The following PAK6 variants were observed in gnomAD, a reference collection of about 807,000 sequenced individuals.
PAK6 encodes p21 (RAC1) activated kinase 6, also known as serine/threonine-protein kinase PAK 6.
In PAK6, 33 loss-of-function variants were observed where a neutral mutation model predicts 60.8. The ratio of observed to expected loss-of-function variants is 0.54; its 90% CI spans 0.41 to 0.73. The LOEUF (loss-of-function observed/expected upper bound fraction) is 0.73. Among genes scored for constraint, PAK6 ranks in the 30% least tolerant of loss-of-function variants. PAK6 has a pLI of 0.00. For synonymous variants in PAK6, 404 were observed against 378.5 expected, an observed-to-expected ratio of 1.07 and a Z score of -0.78; for missense variants, 845 against 904.1, an observed-to-expected ratio of 0.93 and a Z score of 0.84.
At chr15:40,245,964 G>A (rs2038484730) in intron 2 of PAK6, 1 of 152,204 alleles carries the variant, frequency 6.6e-6, no homozygotes, top group African/African-American at 2.4e-5. Context: ...TGCTATTTGG[G>A]TGCCTCCTGC....
At position 40,275,280 on chromosome 15, in the gene PAK6, G is replaced by GTTTTTTTTTTTTT. The variant is rs869058525; in HGVS notation, c.1879-637_1879-625dup. Among the ~76,000 whole-genome samples, 59 of 56,504 alleles carry GTTTTTTTTTTTTT rather than the reference G, an allele frequency of 1.0e-3. 8 individuals carry two copies. Among genetic ancestry groups the GTTTTTTTTTTTTT allele is most frequent in the African/African-American group, 2.0e-3 (27 of 13,832 alleles). 37.1% of individuals were successfully genotyped at this position (56,504 alleles called of 152,430 possible). Reference sequence around the variant, plus strand: ...GACTTGTTTGTTTCTGTTGTTGTTGGTTTTTTTTTTTTTTTTTTTTTTGGA... The same window carrying GTTTTTTTTTTTTT: ...GACTTGTTTGTTTCTGTTGTTGTTGGTTTTTTTTTTTTTTTTTTTTTTTTTTTTTTTTTTTGGA... On this transcript the variant is annotated intron_variant, in intron 10 of 10. Transcript: ENST00000560346.
At chr15:40,264,866 C>T in exon 4 of PAK6, 2 of 1,614,028 alleles carry the variant, frequency 1.2e-6, no homozygotes, top group African/African-American at 1.3e-5. Flanking sequence ...CCTCCTTCGA[C>T]CCCAAAGAAG....
chr15:40,248,235 G>T (rs1035187237), intron 2 of PAK6, among the ~76,000 whole-genome samples: 1 of 152,316 alleles, frequency 6.6e-6, no homozygotes, highest in Middle Eastern at 3.4e-3. Flanking sequence ...ACTTCCAGAT[G>T]CTCGGAGGTT....
chr15:40,266,530 G>A, intron 5 of PAK6, 35 bp downstream of exon 5: 1 of 1,552,878 alleles, frequency 6.4e-7, no homozygotes, highest in Non-Finnish European at 8.7e-7. Flanking sequence ...GTGTCCACTG[G>A]GGAGTGGGTG....
At chr15:40,266,156 G>A (rs1389227342) in exon 5 of PAK6, 1 of 1,609,038 alleles carries the variant, frequency 6.2e-7, no homozygotes, top group African/African-American at 1.3e-5. Flanking sequence ...CCAATGGGCT[G>A]GCTGCAAAGG....
At chr15:40,249,861 C>T (rs1341532689) in intron 2 of PAK6, among the ~76,000 whole-genome samples, 1 of 152,238 alleles carries the variant, frequency 6.6e-6, no homozygotes, top group African/African-American at 2.4e-5. Flanking sequence ...ACTGGCCTGC[C>T]AATGCCTCTG....
rs2140991546 is a variant in PAK6 at position 40,272,315 on chromosome 15, C to T, written c.950C>T (p.Thr317Ile). Reference sequence around the variant, plus strand: ...TTGCCCTCGGACCAGCCGGTGGGGACCTTCAGCCCTCTGACCACTTCGGAT... The same window carrying T: ...TTGCCCTCGGACCAGCCGGTGGGGATCTTCAGCCCTCTGACCACTTCGGAT... Residue 317 changes from threonine to isoleucine, a missense_variant, in exon 6 of 11, where the codon ACC becomes ATC. Thr to Ile is a moderately conservative substitution (Grantham distance 89). Transcript: ENST00000560346. The T allele has an allele frequency of 1.9e-6, 3 of 1,614,010 alleles. No homozygotes were observed. The South Asian group carries it at 3.3e-5, about 18-fold the overall frequency.
chr15:40,263,912 C>T (rs1375480744), intron 3 of PAK6: 2 of 455,906 alleles, frequency 4.4e-6, no homozygotes, highest in Admixed American at 2.4e-5. Flanking sequence ...CCACCATGCC[C>T]GGCCCAGGTG....
At chr15:40,262,369 T>C (rs1215821163) in intron 3 of PAK6, among the ~76,000 whole-genome samples, 1 of 152,056 alleles carries the variant, frequency 6.6e-6, no homozygotes, top group Non-Finnish European at 1.5e-5. Flanking sequence ...CCGGGTATGT[T>C]GGTGGGTGCC....
intron 3 of PAK6, among the ~76,000 whole-genome samples, chr15:40,261,241 A>T (rs1039201489): frequency 6.6e-6 from 1 of 150,636 alleles, no homozygotes; most frequent in African/African-American, 2.4e-5. Flanking sequence ...TTGATTTTTT[A>T]AAATATTGAC....
intron 3 of PAK6, chr15:40,263,868 C>T (rs566686669): frequency 5.1e-4 from 232 of 455,352 alleles, no homozygotes; most frequent in Non-Finnish European, 8.7e-4. Flanking sequence ...CCACCCGCCT[C>T]GGCCTCCCAG....
At chr15:40,273,139 G>C (rs1050227544) in intron 7 of PAK6, 140 bp downstream of exon 7, 3 of 1,238,996 alleles carry the variant, frequency 2.4e-6, no homozygotes, top group East Asian at 2.4e-5. Context: ...TGAGACCCAG[G>C]GGTCTTGGGA....
At position 40,254,515 on chromosome 15, in the gene PAK6, C is replaced by A. The variant is rs2038783390; in HGVS notation, c.-6+1226C>A. ...CTTGGGCATCAGAAACAGCAGCGCCCCCTGCACATCACACATGTTCATGTG... is the reference window on the plus strand; with the variant it reads ...CTTGGGCATCAGAAACAGCAGCGCCACCTGCACATCACACATGTTCATGTG... On this transcript the variant is annotated intron_variant, in intron 3 of 10. Transcript: ENST00000560346. Among the ~76,000 whole-genome samples, 3 of 152,176 alleles carry A rather than the reference C, an allele frequency of 2.0e-5. No individual in the cohort carries two copies. The South Asian group carries it at 6.2e-4, about 32-fold the overall frequency.
At chr15:40,252,173 A>G in intron 2 of PAK6, 2 of 842,406 alleles carry the variant, frequency 2.4e-6, no homozygotes, top group Non-Finnish European at 3.2e-6. Context: ...TGGGCTCTCC[A>G]GGATGTGTGG....
intron 3 of PAK6, chr15:40,263,709 G>C (rs1219067676): frequency 9.1e-6 from 3 of 329,074 alleles, no homozygotes; most frequent in Non-Finnish European, 1.9e-5. Flanking sequence ...CAGCCTCCTG[G>C]GTTCAAGCGA....
chr15:40,243,928 T>C (rs1429431933), intron 2 of PAK6, among the ~76,000 whole-genome samples: 1 of 152,118 alleles, frequency 6.6e-6, no homozygotes, highest in Non-Finnish European at 1.5e-5. Flanking sequence ...TGAGGAACTG[T>C]GTTCTGCTGA....
chr15:40,263,995 G>A, intron 3 of PAK6: 2 of 455,420 alleles, frequency 4.4e-6, no homozygotes, highest in Non-Finnish European at 8.8e-6. Context: ...CTTCTCTGGA[G>A]AGCTTTACCC....
chr15:40,276,982 C>T (rs2039474328), exon 11 of PAK6: 1 of 152,196 alleles, frequency 6.6e-6, no homozygotes, highest in Non-Finnish European at 1.5e-5. Context: ...CTCCTGGGAG[C>T]TCAGGAGGCT....
chr15:40,275,312 GTC>G (rs201806589), intron 10 of PAK6, among the ~76,000 whole-genome samples: 1 of 34,780 alleles, frequency 2.9e-5, no homozygotes, highest in South Asian at 1.1e-3. Flanking sequence ...TGGAGATGGA[GTC>G]TCTCTCTGTT....
Sources: gnomAD v4.1 joint callset for allele counts (sites outside exome capture counted in the v4.1 genomes callset) on GRCh38, gnomAD v4.1.1 for gene constraint, MANE v1.5 for transcripts, NCBI Gene and HGNC (gene_info 2026-07-23, HGNC 2026-07-21) for gene names.